ZDHHC17: variants seen among roughly 807,000 people sequenced by gnomAD.
The protein encoded by ZDHHC17 is palmitoyltransferase ZDHHC17.
Under a neutral mutation model 90.3 loss-of-function variants are expected in ZDHHC17, and 40 were observed. That is an observed-to-expected ratio of 0.44 (90% CI 0.34 to 0.58). The LOEUF is 0.58. ZDHHC17 is among the 20% of genes least tolerant of loss of function. ZDHHC17 has a pLI of 0.01. For synonymous variants in ZDHHC17, 235 were observed against 252.4 expected (o/e 0.93, Z 0.65); for missense variants, 614 against 780.8 (o/e 0.79, Z 2.55).
chr12:76,767,018 C>CAAAAAA (rs375447750), intron 1 of ZDHHC17, among the ~76,000 whole-genome samples: 3 of 85,862 alleles, frequency 3.5e-5, no homozygotes, highest in East Asian at 8.4e-4. Flanking sequence ...GATTATGTCT[C>CAAAAAA]AAAAAAAAAA....
chr12:76,780,345 A>G (rs1159885976), intron 1 of ZDHHC17, among the ~76,000 whole-genome samples: 3 of 152,160 alleles, frequency 2.0e-5, no homozygotes, highest in Non-Finnish European at 2.9e-5. Context: ...GATACTGTAC[A>G]TGTTTGGTTA....
At chr12:76,837,751 A>C (rs1953385661) in intron 10 of ZDHHC17, among the ~76,000 whole-genome samples, 1 of 152,164 alleles carries the variant, frequency 6.6e-6, no homozygotes. Flanking sequence ...TCTGGGATAA[A>C]ACTATCCATG....
chr12:76,796,776 G>A (rs1283720956), intron 1 of ZDHHC17, among the ~76,000 whole-genome samples: 1 of 152,200 alleles, frequency 6.6e-6, no homozygotes, highest in African/African-American at 2.4e-5. Context: ...GAGTGTTAGA[G>A]CTGTGGGTCA....
At chr12:76,785,067 C>T (rs1235477356) in intron 1 of ZDHHC17, among the ~76,000 whole-genome samples, 1 of 152,224 alleles carries the variant, frequency 6.6e-6, no homozygotes, top group Admixed American at 6.5e-5. Flanking sequence ...TCTCATCAAA[C>T]AAGGACAGTT....
chr12:76,803,441 A>AC (rs1952916324), intron 2 of ZDHHC17, among the ~76,000 whole-genome samples: 2 of 152,114 alleles, frequency 1.3e-5, no homozygotes, highest in South Asian at 4.1e-4. Context: ...GAGTTCAGTA[A>AC]GCCTGTGGGA....
intron 7 of ZDHHC17, among the ~76,000 whole-genome samples, chr12:76,817,916 T>C (rs1406598185): frequency 7.9e-5 from 12 of 152,194 alleles, no homozygotes; most frequent in African/African-American, 2.9e-4. Context: ...TCCTTAACTA[T>C]TATTGTAGTT....
Position 76,764,307 on chromosome 12 carries a change from G to T in ZDHHC17, c.71G>T (p.Cys24Phe). The change falls in exon 1 of 17, where the codon TGT becomes TTT. Residue 24 changes from cysteine to phenylalanine, a missense_variant. Cys to Phe is a radical substitution (Grantham distance 205). Around this residue, in one of 5 missense-constraint regions of ZDHHC17, gnomAD observed 358 missense variants for 380.4 expected, o/e 0.94. Coordinates refer to ENST00000426126, the MANE Select transcript of ZDHHC17 (RefSeq NM_015336.4). ...GPDEYDTEAGCVPLLHPEEIK... is the reference protein window; with the variant it reads ...GPDEYDTEAGFVPLLHPEEIK... ...GATGAGTACGATACCGAAGCGGGCT[G>T]TGTGCCCCTTCTCCACCCAGAGGTG... 6.2e-7 allele frequency: 1 copy of T among 1,603,994 alleles called. No individual in the cohort carries two copies. Among genetic ancestry groups the T allele is most frequent in the Non-Finnish European group, 8.5e-7 (1 of 1,175,466 alleles).
chr12:76,786,260 G>T (rs1952685029), intron 1 of ZDHHC17, among the ~76,000 whole-genome samples: 1 of 151,840 alleles, frequency 6.6e-6, no homozygotes, highest in Non-Finnish European at 1.5e-5. Context: ...GTGCCATTAA[G>T]CCTGGCTAAT....
chr12:76,835,850 G>A (rs1354484200), intron 10 of ZDHHC17, among the ~76,000 whole-genome samples: 1 of 151,972 alleles, frequency 6.6e-6, no homozygotes. Flanking sequence ...TAAAGGGCTA[G>A]TATTTTACCA....
At position 76,852,667 on chromosome 12, in the gene ZDHHC17, T is replaced by C. The variant is rs1953580240; in HGVS notation, c.*1682T>C. 1 of 152,548 alleles carries C rather than the reference T, an allele frequency of 6.6e-6. No individual in the cohort carries two copies. Among genetic ancestry groups the C allele is most frequent in the Admixed American group, 6.5e-5 (1 of 15,280 alleles). 9.4% of individuals were successfully genotyped at this position (152,548 alleles called of 1,614,324 possible). On this transcript the variant is annotated 3_prime_UTR_variant, in exon 17 of 17. Coordinates refer to ENST00000426126, the MANE Select transcript of ZDHHC17 (RefSeq NM_015336.4). ...ATGTATATAGTTGATGTTCAGTATT[T>C]CCAAGTACCATTTTTATATAGTAGC...
chr12:76,798,578 T>C (rs1051708635), intron 2 of ZDHHC17, among the ~76,000 whole-genome samples: 2 of 151,770 alleles, frequency 1.3e-5, no homozygotes, highest in Admixed American at 6.6e-5. Flanking sequence ...AGTAGGGCAT[T>C]GTATTACTCC....
At chr12:76,813,271 G>A (rs545956235) in intron 5 of ZDHHC17, 8 of 414,950 alleles carry the variant, frequency 1.9e-5, no homozygotes, top group Admixed American at 5.6e-5. Flanking sequence ...AAATAAGGAA[G>A]TTTGTTGTTT....
At chr12:76,765,408 C>T (rs918687217) in intron 1 of ZDHHC17, among the ~76,000 whole-genome samples, 1 of 152,216 alleles carries the variant, frequency 6.6e-6, no homozygotes, top group African/African-American at 2.4e-5. Flanking sequence ...TTATCAAAAA[C>T]ACATGGGACA....
chr12:76,764,243 C>A lies in ZDHHC17; in HGVS notation c.7C>A (p.Arg3=). 1 of 1,600,834 alleles carries A rather than the reference C, an allele frequency of 6.2e-7. No homozygotes were observed. Among genetic ancestry groups the A allele is most frequent in the Non-Finnish European group, 8.5e-7 (1 of 1,173,788 alleles). The part of the protein sequence containing the change: MQ[R]EEGFNTKMAD... The stretch of plus-strand genomic sequence containing the variant: ...TGAAACGCTTTCTCCCAGCATGCAG[C>A]GGGAGGAGGGATTTAACACCAAGAT... The change falls in exon 1 of 17, where the codon CGG becomes AGG. Residue 3 remains arginine (R), a synonymous_variant. Transcript: ENST00000426126.
intron 1 of ZDHHC17, among the ~76,000 whole-genome samples, chr12:76,796,449 G>A (rs963668600): frequency 2.6e-5 from 4 of 151,924 alleles, no homozygotes; most frequent in Non-Finnish European, 2.9e-5. Flanking sequence ...GAAAATTACA[G>A]CATGTAAACT....
intron 14 of ZDHHC17, 58 bp downstream of exon 14, chr12:76,846,737 C>T: frequency 1.5e-6 from 2 of 1,352,094 alleles, no homozygotes; most frequent in Non-Finnish European, 2.1e-6. Context: ...TTAGATTATA[C>T]TTACCACACT....
At position 76,784,677 on chromosome 12, in the gene ZDHHC17, G is replaced by C. The variant is rs145138628; in HGVS notation, c.94-12757G>C. 3.0e-3 allele frequency among the ~76,000 whole-genome samples: 460 copies of C among 152,252 alleles called. 4 individuals carry two copies. Among genetic ancestry groups the C allele is most frequent in the African/African-American group, 0.01 (418 of 41,548 alleles). Reference sequence around the variant, plus strand: ...AATTAAAGTTGAGCCAACTTTCCACGAGATGGGTGCCAAAACCCTTGCATA... The same window carrying C: ...AATTAAAGTTGAGCCAACTTTCCACCAGATGGGTGCCAAAACCCTTGCATA... On this transcript the variant is annotated intron_variant, in intron 1 of 16. Coordinates refer to ENST00000426126, the MANE Select transcript of ZDHHC17 (RefSeq NM_015336.4).
intron 1 of ZDHHC17, among the ~76,000 whole-genome samples, chr12:76,770,765 C>G (rs11115307): frequency 0.011 from 1,679 of 151,990 alleles, 11 homozygotes; most frequent in Non-Finnish European, 0.017. Context: ...TGGAGAAACC[C>G]CGTCTCTACT....
rs545164039 is a variant in ZDHHC17, at chr12:76,791,691, G to A, written c.94-5743G>A. On this transcript the variant is annotated intron_variant, in intron 1 of 16. Transcript: ENST00000426126. The stretch of plus-strand genomic sequence containing the variant: ...CTATACATCTGGGATTAGCATAGAC[G>A]CAACAAGTCAAGGGCTCAGTCCCAC... 6.6e-5 allele frequency among the ~76,000 whole-genome samples: 10 copies of A among 151,978 alleles called. No individual in the cohort carries two copies. In the East Asian group the frequency reaches 1.9e-3, roughly 29 times the overall value.
Sources: gnomAD v4.1 joint callset for allele counts (sites outside exome capture counted in the v4.1 genomes callset) on GRCh38, gnomAD v4.1.1 for gene constraint, gnomAD v4.1.1 regional missense constraint, MANE v1.5 for transcripts, NCBI Gene and HGNC (gene_info 2026-07-23, HGNC 2026-07-21) for gene names.